The following CACNA1E variants were observed in gnomAD, a reference collection of about 807,000 sequenced individuals.
The protein encoded by CACNA1E is calcium voltage-gated channel subunit alpha1 E.
A neutral mutation model predicts 259.2 loss-of-function variants in CACNA1E; 40 were observed. The observed-to-expected ratio is 0.15, with a 90% CI of 0.12 to 0.20. The LOEUF is 0.20. Among genes scored for constraint, CACNA1E ranks in the 10% least tolerant of loss-of-function variants. The probability of loss-of-function intolerance (pLI) is 1.00; values close to 1 mark genes in which losing one functional copy is unlikely to be tolerated. For missense variants in CACNA1E, 1,874 were observed against 3,040.1 expected (o/e 0.62, Z 9.02); for synonymous variants, 1,104 against 1,138.5 (o/e 0.97, Z 0.61).
chr1:181,721,391 G>C (rs1320469704), intron 15 of CACNA1E, among the ~76,000 whole-genome samples: 1 of 152,130 alleles, frequency 6.6e-6, no homozygotes, highest in Non-Finnish European at 1.5e-5. Flanking sequence ...TTCCAATCAT[G>C]CTGCTGTTCC....
intron 1 of CACNA1E, among the ~76,000 whole-genome samples, chr1:181,353,708 C>A (rs1192859450): frequency 6.6e-6 from 1 of 152,136 alleles, no homozygotes; most frequent in Admixed American, 6.5e-5. Context: ...CTTCCCAATG[C>A]ATCCCATTGG....
intron 39 of CACNA1E, among the ~76,000 whole-genome samples, chr1:181,782,922 CT>C (rs959996518): frequency 1.3e-5 from 2 of 152,160 alleles, no homozygotes; most frequent in Admixed American, 1.3e-4. Flanking sequence ...GCAAAATACT[CT>C]CTGGAAAGTG....
At chr1:181,342,404 C>A (rs1652230938) in intron 1 of CACNA1E, among the ~76,000 whole-genome samples, 1 of 151,946 alleles carries the variant, frequency 6.6e-6, no homozygotes, top group South Asian at 2.1e-4. Flanking sequence ...CTGCTTGTAG[C>A]AACATCATTC....
At chr1:181,705,833 C>T (rs1027298385) in intron 7 of CACNA1E, among the ~76,000 whole-genome samples, 1 of 152,184 alleles carries the variant, frequency 6.6e-6, no homozygotes, top group African/African-American at 2.4e-5. Flanking sequence ...CTAATGTCAA[C>T]TCTTACTGAT....
chr1:181,717,565 C>T (rs771785993), intron 11 of CACNA1E, among the ~76,000 whole-genome samples: 6 of 152,114 alleles, frequency 3.9e-5, no homozygotes, highest in Non-Finnish European at 7.4e-5. Flanking sequence ...GCCTTCACTT[C>T]CTTTCTTAAG....
rs965673268 is a variant in CACNA1E at position 181,717,372 on chromosome 1, C to T, written c.1525+70C>T. 8.7e-5 allele frequency: 112 copies of T among 1,287,876 alleles called. No individual in the cohort carries two copies. The East Asian group carries it at 2.4e-3, about 27-fold the overall frequency. 79.8% of individuals were successfully genotyped at this position (1,287,876 alleles called of 1,614,324 possible). ...TGGGGCAGCTTGATGTGTGTGTGAA[C>T]GCAAGACAGCAAAGCACCCTGCTAG... On this transcript the variant is annotated intron_variant, in intron 11 of 47. Coordinates refer to ENST00000367573, the MANE Select transcript of CACNA1E (RefSeq NM_001205293.3).
chr1:181,483,937 G>A lies in CACNA1E; in HGVS notation c.193G>A (p.Val65Ile), dbSNP rs779908347. 2 of 1,613,388 alleles carry A rather than the reference G, an allele frequency of 1.2e-6. No individual in the cohort carries two copies. The highest frequency in any genetic ancestry group is 1.7e-5 in the Admixed American group (1 of 59,994). ...PIPVRQNCFT[V>I]NRSLFIFGED... is the part of the protein sequence containing the mutation. ...TCCCGTCCGGCAGAACTGTTTCACC[G>A]TCAACAGATCCCTGTTCATCTTCGG... The change falls in exon 1 of 48, where the codon GTC (valine) becomes ATC (isoleucine). Residue 65 changes from valine to isoleucine, a missense_variant. Val to Ile is a conservative substitution (Grantham distance 29). Around this residue, in one of 14 missense-constraint regions of CACNA1E, gnomAD observed 110 missense variants for 122.8 expected, o/e 0.90. Coordinates refer to ENST00000367573, the MANE Select transcript of CACNA1E (RefSeq NM_001205293.3).
intron 6 of CACNA1E, among the ~76,000 whole-genome samples, chr1:181,600,657 C>A (rs1653652095): frequency 6.6e-6 from 1 of 151,878 alleles, no homozygotes; most frequent in Non-Finnish European, 1.5e-5. Flanking sequence ...GATAGGGGAG[C>A]CGAGAGAAGG....
intron 2 of CACNA1E, among the ~76,000 whole-genome samples, chr1:181,419,786 G>A (rs1571824271): frequency 6.6e-6 from 1 of 152,230 alleles, no homozygotes. Flanking sequence ...TGTCCACTGT[G>A]TGGTTGTACA....
chr1:181,788,785 G>A (rs1341726086), intron 43 of CACNA1E, among the ~76,000 whole-genome samples: 1 of 152,208 alleles, frequency 6.6e-6, no homozygotes, highest in Non-Finnish European at 1.5e-5. Flanking sequence ...ATTTAACTCT[G>A]TGAGATTATT....
At chr1:181,368,281 T>TCC (rs1470179636) in intron 1 of CACNA1E, among the ~76,000 whole-genome samples, 1 of 148,692 alleles carries the variant, frequency 6.7e-6, no homozygotes, top group African/African-American at 2.5e-5. Context: ...AAAGAGACTC[T>TCC]GTCTAAAAAA....
intron 3 of CACNA1E, among the ~76,000 whole-genome samples, chr1:181,574,227 C>T (rs1183586241): frequency 2.0e-5 from 3 of 152,148 alleles, no homozygotes; most frequent in Non-Finnish European, 4.4e-5. Context: ...CAGCAAACCA[C>T]CATGGCACAC....
rs762766720 is a variant in CACNA1E, at chr1:181,798,748, C to T, written c.6856C>T (p.Arg2286Trp). 44 of 1,604,242 alleles carry T rather than the reference C, an allele frequency of 2.7e-5. No homozygotes were observed. Among genetic ancestry groups the T allele is most frequent in the African/African-American group, 4.0e-5 (3 of 74,840 alleles). The stretch of plus-strand genomic sequence containing the variant: ...GATGCCCAACGGGCACTATCGGCGG[C>T]GGAGGCGCGGGGGGCCTGGGCCAGG... ...WQMPNGHYRRRRRGGPGPGMM... is the reference protein window; with the variant it reads ...WQMPNGHYRRWRRGGPGPGMM... The change falls in exon 48 of 48, where the codon CGG becomes TGG. Residue 2286 changes from arginine to tryptophan, a missense_variant. This residue lies in a region of CACNA1E where 542 missense variants were observed against 587.2 expected (regional missense o/e 0.92). Transcript: ENST00000367573. The surrounding 1 kb of genome is among the most constrained non-coding windows in gnomAD (Gnocchi z 4.2).
rs1655598755 is a variant in CACNA1E at position 181,620,159 on chromosome 1, T to C, written c.952-31179T>C. Among the ~76,000 whole-genome samples the C allele has an allele frequency of 2.6e-5, 4 of 152,162 alleles. No individual in the cohort carries two copies. The South Asian group carries it at 8.3e-4, about 32-fold the overall frequency. On this transcript the variant is annotated intron_variant, in intron 6 of 47. Transcript: ENST00000367573. ...TATTCTGGGGGTCAACTGATTAGCT[T>C]CAGGGCTACTAATCCAAGATAGCCA...
intron 7 of CACNA1E, among the ~76,000 whole-genome samples, chr1:181,679,910 C>A (rs974972810): frequency 1.3e-5 from 2 of 152,052 alleles, no homozygotes; most frequent in Admixed American, 6.5e-5. Context: ...CTTGAGCAGA[C>A]TGGGCAACAT....
intron 7 of CACNA1E, among the ~76,000 whole-genome samples, chr1:181,681,739 A>G (rs987345785): frequency 6.6e-6 from 1 of 152,236 alleles, no homozygotes; most frequent in Non-Finnish European, 1.5e-5. Context: ...ACCAGCTGTG[A>G]GTAAGTTATT....
At chr1:181,702,990 G>T (rs1236381922) in intron 7 of CACNA1E, among the ~76,000 whole-genome samples, 1 of 152,110 alleles carries the variant, frequency 6.6e-6, no homozygotes, top group African/African-American at 2.4e-5. Flanking sequence ...TGAGAAGGGG[G>T]TCTTATTCTC....
chr1:181,692,008 C>T (rs1558271601), intron 7 of CACNA1E, among the ~76,000 whole-genome samples: 1 of 152,106 alleles, frequency 6.6e-6, no homozygotes, highest in Non-Finnish European at 1.5e-5. Context: ...AGTAGCATTT[C>T]TATACATCAG....
intron 2 of CACNA1E, among the ~76,000 whole-genome samples, chr1:181,452,084 G>A (rs1387746310): frequency 6.6e-6 from 1 of 152,232 alleles, no homozygotes; most frequent in Non-Finnish European, 1.5e-5. Flanking sequence ...GTAACTTGGA[G>A]CCCCTATGGT....
Sources: gnomAD v4.1 joint callset for allele counts (sites outside exome capture counted in the v4.1 genomes callset) on GRCh38, gnomAD v4.1.1 for gene constraint, gnomAD v4.1.1 regional missense constraint, Gnocchi (gnomAD v3.1) non-coding constraint, MANE v1.5 for transcripts, NCBI Gene and HGNC (gene_info 2026-07-23, HGNC 2026-07-21) for gene names.